EPS8L2: variants seen among roughly 807,000 people sequenced by gnomAD.
EPS8L2 encodes EPS8 signaling adaptor L2.
In EPS8L2, 81 loss-of-function variants were observed where a neutral mutation model predicts 99.4. The ratio of observed to expected loss-of-function variants is 0.82; its 90% CI spans 0.68 to 0.98. The LOEUF (loss-of-function observed/expected upper bound fraction) is 0.98. Ranked by LOEUF, EPS8L2 falls within the 50% of genes least tolerant of loss-of-function variation. EPS8L2 has a pLI of 0.00. For missense variants in EPS8L2, 1,155 were observed against 968.8 expected (o/e 1.19, Z -2.55); for synonymous variants, 509 against 407.3 (o/e 1.25, Z -3.01).
At chr11:709,143 G>T (rs1395609542) in intron 1 of EPS8L2, 187 bp from the exon 2 acceptor site, 9 of 446,604 alleles carry the variant, frequency 2.0e-5, no homozygotes, top group East Asian at 1.7e-4. Context: ...GCATGACGAG[G>T]CTGATCGACT....
intron 3 of EPS8L2, 76 bp from the exon 4 acceptor site, chr11:710,346 T>A: frequency 7.1e-7 from 1 of 1,416,230 alleles, no homozygotes. Flanking sequence ...CACCTTCCCT[T>A]GTGGGTCCAG....
chr11:711,596 C>G (rs570821610), intron 4 of EPS8L2, among the ~76,000 whole-genome samples: 267 of 152,268 alleles, frequency 1.8e-3, no homozygotes, highest in Non-Finnish European at 2.8e-3. Context: ...AATCCTCCCC[C>G]CTCCTAGCCA....
chr11:721,243 G>A (rs987806599), intron 8 of EPS8L2, 37 bp downstream of exon 8: 2 of 1,537,888 alleles, frequency 1.3e-6, no homozygotes, highest in African/African-American at 1.4e-5. Flanking sequence ...CACAGGGCTC[G>A]TTGTGGGGGG....
In EPS8L2 at chr11:725,803, C is replaced by A; in HGVS notation, c.1636C>A (p.Leu546Ile). The change falls in exon 17 of 21, where the codon CTA (leucine) becomes ATA (isoleucine). Residue 546 changes from leucine (L) to isoleucine (I), a missense_variant. Coordinates refer to ENST00000318562, the MANE Select transcript of EPS8L2 (RefSeq NM_022772.4). ...GGCGGGGTACGTGCCCTGCAACATC[C>A]TAGGCGAGGCGCGACCGGAGGACGC... ...GQAGYVPCNI[L>I]GEARPEDAGA... 3 of 1,388,738 alleles carry A rather than the reference C, an allele frequency of 2.2e-6. No individual in the cohort carries two copies. The highest frequency in any genetic ancestry group is 2.8e-6 in the Non-Finnish European group (3 of 1,076,428). 86.0% of individuals were successfully genotyped at this position (1,388,738 alleles called of 1,614,324 possible).
intron 11 of EPS8L2, 46 bp downstream of exon 11, chr11:722,037 G>A: frequency 6.2e-7 from 1 of 1,608,174 alleles, no homozygotes. Flanking sequence ...GTGCTGAGGG[G>A]AGGGTGGAGG....
Position 726,920 on chromosome 11 carries a change from AG to A in EPS8L2, c.2088del (p.Glu696AspfsTer6). Reference protein sequence around the residue: ...AFLEKQQSGSELEELMNKFHS... With the variant: ...AFLEKQQSGSXLEELMNKFHS... ...CCCTAGAAGCAGCAAAGTGGGTCGG[AG>A]CTGGAAGAACTCATGAACAAGTTTC... On this transcript the variant is annotated frameshift_variant, in exon 21 of 21. Coordinates refer to ENST00000318562, the MANE Select transcript of EPS8L2 (RefSeq NM_022772.4). LOFTEE classifies it high-confidence loss of function. The A allele has an allele frequency of 6.2e-7, 1 of 1,613,296 alleles. No homozygotes were observed. Among genetic ancestry groups the A allele is most frequent in the Non-Finnish European group, 8.5e-7 (1 of 1,179,904 alleles).
intron 7 of EPS8L2, 60 bp downstream of exon 7, chr11:720,969 A>AGGGGAGGAGCCGGCAGGGGG (rs1218356583): frequency 1.1e-6 from 1 of 907,014 alleles, no homozygotes; most frequent in African/African-American, 2.3e-5. Context: ...CCGGCAGGGG[A>AGGGGAGGAGCCGGCAGGGGG]GGGGAGGAGC....
In EPS8L2 at chr11:720,889, G is replaced by A. The variant is rs1235498900; in HGVS notation, c.537G>A (p.Lys179=). The change falls in exon 7 of 21, where the codon AAG becomes AAA. Residue 179 remains lysine, a synonymous_variant. Transcript: ENST00000318562. ...TGGCCGACTGCCGGCTGGGCAAGAA[G>A]ATGCGGCCGCAGACCCTGAAGTAGG... ...SALADCRLGK[K]MRPQTLKGHQ... 12 of 1,534,912 alleles carry A rather than the reference G, an allele frequency of 7.8e-6. No individual in the cohort carries two copies. The highest frequency in any genetic ancestry group is 2.4e-5 in the East Asian group (1 of 40,850).
chr11:708,103 T>C (rs962045192), intron 1 of EPS8L2, among the ~76,000 whole-genome samples: 2 of 152,134 alleles, frequency 1.3e-5, no homozygotes, highest in South Asian at 4.1e-4. Flanking sequence ...GCCACTCCCT[T>C]GACCCTCCAT....
intron 19 of EPS8L2, 41 bp from the exon 20 acceptor site, chr11:726,578 C>A (rs997109672): frequency 1.3e-6 from 2 of 1,524,104 alleles, no homozygotes; most frequent in Non-Finnish European, 1.8e-6. Context: ...CAGGCAGCCT[C>A]GCTCACAGCG....
intron 4 of EPS8L2, among the ~76,000 whole-genome samples, chr11:715,069 C>T (rs761562126): frequency 8.5e-5 from 13 of 152,094 alleles, no homozygotes; most frequent in South Asian, 2.1e-4. Context: ...GGTGAAACCC[C>T]GTCTCTACTA....
At chr11:709,268 G>A in intron 1 of EPS8L2, 62 bp from the exon 2 acceptor site, 2 of 1,036,098 alleles carry the variant, frequency 1.9e-6, no homozygotes, top group Non-Finnish European at 1.4e-6. Context: ...CTGGCCCAGG[G>A]AAGGAGGGGA....
rs1590057785 is a variant in EPS8L2, at chr11:726,020, C to A, written c.1681-78C>A. 35 of 825,614 alleles carry A rather than the reference C, an allele frequency of 4.2e-5. No homozygotes were observed. The South Asian group carries it at 5.0e-4, about 12-fold the overall frequency. The allele number at this position is 825,614 out of a possible 1,614,324, so 51.1% of individuals were successfully genotyped here. A position where few individuals can be genotyped will look rare whatever the true frequency, so the allele number is the denominator to read the frequency against. On this transcript the variant is annotated intron_variant, in intron 17 of 20. Coordinates refer to ENST00000318562, the MANE Select transcript of EPS8L2 (RefSeq NM_022772.4). ...CAGGCCGGGGCTGTAGGGGGATTGG[C>A]GGGGTGGGGAGGTCCCGGGCAGGTG...
intron 4 of EPS8L2, 29 bp downstream of exon 4, chr11:710,515 C>T (rs773326764): frequency 1.9e-6 from 3 of 1,599,840 alleles, no homozygotes; most frequent in East Asian, 2.2e-5. Flanking sequence ...GTAGGCTCCG[C>T]CCCCAGGGAG....
chr11:707,865 G>A (rs1011103996), intron 1 of EPS8L2, among the ~76,000 whole-genome samples: 5 of 152,156 alleles, frequency 3.3e-5, no homozygotes, highest in Non-Finnish European at 5.9e-5. Context: ...CTGGACACAC[G>A]TGCCTGGCGC....
At chr11:711,655 G>A (rs1201223129) in intron 4 of EPS8L2, among the ~76,000 whole-genome samples, 1 of 152,138 alleles carries the variant, frequency 6.6e-6, no homozygotes, top group Non-Finnish European at 1.5e-5. Flanking sequence ...GGCTCAGGCA[G>A]GAGGATCCCA....
At chr11:709,725 G>C in intron 3 of EPS8L2, 117 bp downstream of exon 3, 1 of 1,250,696 alleles carries the variant, frequency 8.0e-7, no homozygotes. Flanking sequence ...GGGGATCTCC[G>C]GGTGCCCAGG....
At position 721,534 on chromosome 11, in the gene EPS8L2, G is replaced by A. The variant is rs761149326; in HGVS notation, c.769-31G>A. ...CAAGGCGGGGCGGTGGGGAGTGTCA[G>A]GGGCTGACCCCTGACCCCCTCTGAC... On this transcript the variant is annotated intron_variant, in intron 9 of 20. Transcript: ENST00000318562. 5.5e-5 allele frequency: 84 copies of A among 1,528,852 alleles called. No homozygotes were observed. The South Asian group carries it at 7.0e-4, about 13-fold the overall frequency. The allele number at this position is 1,528,852 out of a possible 1,614,324, so 94.7% of individuals were successfully genotyped here.
rs183488163 is a variant in EPS8L2 at position 707,504 on chromosome 11, C to T, written c.-79+1216C>T. Among the ~76,000 whole-genome samples, 53 of 152,334 alleles carry T rather than the reference C, an allele frequency of 3.5e-4. No homozygotes were observed. In the East Asian group the frequency reaches 4.6e-3, roughly 13 times the overall value. ...CCACAGCCCGACTGACCGGGCACCC[C>T]GCTCTGCCTCACTTCACACCGGGAA... On this transcript the variant is annotated intron_variant, in intron 1 of 20. Transcript: ENST00000318562.
Sources: allele counts gnomAD v4.1 joint callset (sites outside exome capture counted in the v4.1 genomes callset), GRCh38; gene constraint gnomAD v4.1.1; transcripts MANE v1.5; gene names NCBI Gene and HGNC (gene_info 2026-07-23, HGNC 2026-07-21).